RAD51B: variants seen among roughly 807,000 people sequenced by gnomAD.
RAD51B encodes the protein DNA repair protein RAD51 homolog 2.
In RAD51B, 38 loss-of-function variants were observed where a neutral mutation model predicts 42.2. That is an observed-to-expected ratio of 0.90 (90% CI 0.70 to 1.18). The LOEUF (loss-of-function observed/expected upper bound fraction) is 1.18, where lower values mean the gene tolerates loss of function less well. RAD51B is among the 50% of genes most tolerant of loss of function. The probability of loss-of-function intolerance (pLI) is 0.00; values close to 1 mark genes in which losing one functional copy is unlikely to be tolerated. For synonymous variants in RAD51B, 154 were observed against 145.2 expected, an observed-to-expected ratio of 1.06 and a Z score of -0.43; for missense variants, 373 against 400.7, an observed-to-expected ratio of 0.93 and a Z score of 0.59.
intron 11 of RAD51B, among the ~76,000 whole-genome samples, chr14:68,657,739 A>G (rs547797550): frequency 1.3e-5 from 2 of 152,378 alleles, no homozygotes; most frequent in East Asian, 3.9e-4. Flanking sequence ...AGGATTTGAC[A>G]GAGCAGGTCC....
intron 5 of RAD51B, among the ~76,000 whole-genome samples, chr14:67,874,007 G>C (rs1226668248): frequency 6.6e-6 from 1 of 151,452 alleles, no homozygotes; most frequent in Non-Finnish European, 1.5e-5. Context: ...GTTAGTGGGT[G>C]CAGCGCAGCA....
chr14:68,584,073 C>T (rs114330938), intron 10 of RAD51B, among the ~76,000 whole-genome samples: 18 of 152,130 alleles, frequency 1.2e-4, no homozygotes, highest in Admixed American at 7.9e-4. Context: ...GGCGCCCCCC[C>T]ACCCCCCATG....
rs187014304 is a variant in RAD51B at position 68,244,809 on chromosome 14, G to C, written c.757-47075G>C. On this transcript the variant is annotated intron_variant, in intron 7 of 10. Transcript: ENST00000471583. ...TGCCTTTGGTCACACTGCATTCCAA[G>C]CCACGGGGTGGGTAATCTCTGGGTA... 2.6e-5 allele frequency among the ~76,000 whole-genome samples: 4 copies of C among 152,296 alleles called. No homozygotes were observed. In the East Asian group the frequency reaches 7.7e-4, roughly 29 times the overall value.
intron 10 of RAD51B, among the ~76,000 whole-genome samples, chr14:68,590,158 C>T (rs543078507): frequency 1.8e-4 from 27 of 152,198 alleles, no homozygotes; most frequent in Non-Finnish European, 3.2e-4. Flanking sequence ...GTGCTGGCCT[C>T]GGCCTCCAGC....
intron 7 of RAD51B, among the ~76,000 whole-genome samples, chr14:68,036,256 T>C (rs938884225): frequency 6.6e-6 from 1 of 152,248 alleles, no homozygotes; most frequent in Admixed American, 6.5e-5. Context: ...ATCTCTTCGC[T>C]AACGTTACAA....
intron 8 of RAD51B, among the ~76,000 whole-genome samples, chr14:68,336,683 T>G (rs978514900): frequency 2.0e-5 from 3 of 152,234 alleles, no homozygotes; most frequent in Non-Finnish European, 4.4e-5. Context: ...CACCAATGCA[T>G]CTATTAAACA....
chr14:68,280,672 A>G (rs564011068), intron 7 of RAD51B, among the ~76,000 whole-genome samples: 1 of 152,296 alleles, frequency 6.6e-6, no homozygotes, highest in South Asian at 2.1e-4. Flanking sequence ...AACACATAAA[A>G]TCTCATGAAA....
intron 10 of RAD51B, among the ~76,000 whole-genome samples, chr14:68,634,225 G>A (rs1466051053): frequency 6.6e-6 from 1 of 152,138 alleles, no homozygotes; most frequent in Non-Finnish European, 1.5e-5. Flanking sequence ...AGGTAATCAA[G>A]GTAAGCACTC....
chr14:68,064,072 G>C (rs988074591), intron 7 of RAD51B, among the ~76,000 whole-genome samples: 1 of 152,122 alleles, frequency 6.6e-6, no homozygotes, highest in Non-Finnish European at 1.5e-5. Context: ...ATGTTTTCAT[G>C]ATGGTAGTTA....
chr14:68,305,647 T>C (rs1041569553), intron 8 of RAD51B, among the ~76,000 whole-genome samples: 1 of 152,146 alleles, frequency 6.6e-6, no homozygotes. Flanking sequence ...ATCATGATCT[T>C]TGTGATGGAG....
chr14:68,568,163 C>G (rs1336181339), intron 10 of RAD51B, among the ~76,000 whole-genome samples: 1 of 152,190 alleles, frequency 6.6e-6, no homozygotes, highest in Non-Finnish European at 1.5e-5. Context: ...CTCTGAGAAA[C>G]TATAGTCTTG....
At chr14:68,104,503 G>A (rs908077673) in intron 7 of RAD51B, among the ~76,000 whole-genome samples, 2 of 152,114 alleles carry the variant, frequency 1.3e-5, no homozygotes, top group Non-Finnish European at 2.9e-5. Flanking sequence ...GGGTGACATG[G>A]TGAGACCAAA....
chr14:68,402,000 C>T (rs1315796270), intron 8 of RAD51B, among the ~76,000 whole-genome samples: 1 of 152,148 alleles, frequency 6.6e-6, no homozygotes, highest in African/African-American at 2.4e-5. Context: ...TCCGTTGGAA[C>T]CTGACCTATA....
At chr14:68,090,784 T>C (rs1035950719) in intron 7 of RAD51B, among the ~76,000 whole-genome samples, 1 of 151,712 alleles carries the variant, frequency 6.6e-6, no homozygotes, top group Non-Finnish European at 1.5e-5. Flanking sequence ...ATGTGCCATG[T>C]TGGTGTGCTG....
At chr14:68,348,430 C>T (rs766101709) in intron 8 of RAD51B, among the ~76,000 whole-genome samples, 1 of 152,128 alleles carries the variant, frequency 6.6e-6, no homozygotes, top group Non-Finnish European at 1.5e-5. Context: ...AGATTTCTTA[C>T]TTGTGATTTC....
chr14:67,846,968 C>T (rs915037516), intron 4 of RAD51B, among the ~76,000 whole-genome samples: 3 of 152,172 alleles, frequency 2.0e-5, no homozygotes, highest in East Asian at 1.9e-4. Flanking sequence ...ACCCTGGGGT[C>T]GTGGGGTCTC....
chr14:68,562,715 C>A (rs1304572652), intron 10 of RAD51B: 11 of 985,360 alleles, frequency 1.1e-5, no homozygotes, highest in African/African-American at 3.5e-5. Context: ...CCATTTGTTT[C>A]CCCACAGCTA....
chr14:68,443,513 G>A (rs774867785), intron 9 of RAD51B, among the ~76,000 whole-genome samples: 4 of 152,180 alleles, frequency 2.6e-5, no homozygotes, highest in Non-Finnish European at 4.4e-5. Context: ...TTCAGATGCT[G>A]ACAAATGAGA....
intron 7 of RAD51B, among the ~76,000 whole-genome samples, chr14:68,109,090 T>C (rs552968167): frequency 6.6e-5 from 10 of 152,098 alleles, no homozygotes; most frequent in Admixed American, 5.9e-4. Context: ...AAACCAAGAG[T>C]GGCATATTGT....
Sources: allele counts gnomAD v4.1 joint callset (sites outside exome capture counted in the v4.1 genomes callset), GRCh38; gene constraint gnomAD v4.1.1; transcripts MANE v1.5; gene names NCBI Gene and HGNC (gene_info 2026-07-23, HGNC 2026-07-21).